The following SEM1 variants were observed in gnomAD, a reference collection of about 807,000 sequenced individuals.
The protein encoded by SEM1 is 26S proteasome complex subunit SEM1.
SEM1 carries 3 observed loss-of-function variants against 12.7 expected under a neutral mutation model. That is an observed-to-expected ratio of 0.24 (90% CI 0.11 to 0.61). SEM1 has a LOEUF of 0.61. SEM1 is among the 20% of genes least tolerant of loss of function. The probability of loss-of-function intolerance (pLI) is 0.88; values close to 1 mark genes in which losing one functional copy is unlikely to be tolerated. For missense variants in SEM1, 59 were observed against 81.3 expected, an observed-to-expected ratio of 0.73 and a Z score of 1.06; for synonymous variants, 30 against 27.8, an observed-to-expected ratio of 1.08 and a Z score of -0.25.
intron 2 of SEM1, among the ~76,000 whole-genome samples, chr7:96,551,923 CTG>C (rs1192833245): frequency 6.6e-6 from 1 of 152,140 alleles, no homozygotes; most frequent in East Asian, 1.9e-4. Context: ...GGCCCCAAAG[CTG>C]TGTGATAGAC....
chr7:96,526,995 C>T (rs536479752), intron 2 of SEM1, among the ~76,000 whole-genome samples: 8 of 152,162 alleles, frequency 5.3e-5, no homozygotes, highest in Non-Finnish European at 1.2e-4. Flanking sequence ...GACCCATAAA[C>T]CATCCCTCAA....
chr7:96,488,471 G>T (rs1197039355), intron 1 of SEM1, among the ~76,000 whole-genome samples: 1 of 152,104 alleles, frequency 6.6e-6, no homozygotes, highest in Non-Finnish European at 1.5e-5. Flanking sequence ...AGTTGACAAT[G>T]CAATAGTAGG....
intron 2 of SEM1, among the ~76,000 whole-genome samples, chr7:96,645,035 C>A (rs1472515897): frequency 6.6e-6 from 1 of 151,910 alleles, no homozygotes; most frequent in African/African-American, 2.4e-5. Flanking sequence ...AATGTAATAA[C>A]CATTATTAAG....
intron 2 of SEM1, among the ~76,000 whole-genome samples, chr7:96,624,885 C>T (rs926522873): frequency 6.6e-6 from 1 of 152,128 alleles, no homozygotes; most frequent in African/African-American, 2.4e-5. Context: ...AGACTTTTAG[C>T]CAATCTTCTA....
intron 3 of SEM1, chr7:96,484,807 A>G: frequency 7.8e-7 from 1 of 1,277,496 alleles, no homozygotes; most frequent in Non-Finnish European, 1.0e-6. Flanking sequence ...ATATCCATTT[A>G]TATCTTTGTT....
intron 1 of SEM1, among the ~76,000 whole-genome samples, 150 bp downstream of exon 1, chr7:96,709,521 CGAATCTGGGGCGCCACT>C (rs1790581594): frequency 6.6e-6 from 1 of 152,100 alleles, no homozygotes; most frequent in Non-Finnish European, 1.5e-5. Context: ...ACCCCAAACC[CGAATCTGGGGCGCCACT>C]GAGGGGTGAG....
downstream of SEM1, among the ~76,000 whole-genome samples, chr7:96,672,044 T>C (rs1290449894): frequency 1.3e-5 from 2 of 152,194 alleles, no homozygotes; most frequent in African/African-American, 4.8e-5. Flanking sequence ...AGTGTCCTCA[T>C]TGGGTGAAAG....
intron 2 of SEM1, among the ~76,000 whole-genome samples, chr7:96,668,425 T>C (rs1445541725): frequency 6.6e-6 from 1 of 152,152 alleles, no homozygotes; most frequent in African/African-American, 2.4e-5. Context: ...ATAAAATAAA[T>C]AAAAATTATA....
chr7:96,491,206 T>A (rs559843646), intron 1 of SEM1, among the ~76,000 whole-genome samples: 5 of 152,190 alleles, frequency 3.3e-5, no homozygotes, highest in African/African-American at 9.7e-5. Context: ...ATAAAAAAAA[T>A]TCTTCTTATA....
intron 2 of SEM1, among the ~76,000 whole-genome samples, chr7:96,662,565 T>A (rs1789040084): frequency 2.0e-5 from 3 of 152,178 alleles, no homozygotes; most frequent in Admixed American, 2.0e-4. Flanking sequence ...AAATACCTAA[T>A]GCATGCGGGT....
At chr7:96,582,486 T>C (rs1806447307) in intron 2 of SEM1, among the ~76,000 whole-genome samples, 1 of 151,622 alleles carries the variant, frequency 6.6e-6, no homozygotes, top group Non-Finnish European at 1.5e-5. Flanking sequence ...GCTGGCCTCA[T>C]AAAATGAGTT....
Position 96,650,299 on chromosome 7 carries a change from C to T in SEM1, c.171-27656G>A, listed in dbSNP as rs1584833478. On this transcript the variant is annotated intron_variant, in intron 2 of 2. Transcript: ENST00000417009. ...CGCTGCACAAGACTTGAAACAATCC[C>T]TCTCCTTCAGCTAGATGTCAGAAAA... The T allele has an allele frequency of 3.3e-5, 16 of 488,142 alleles. No individual in the cohort carries two copies. The East Asian group carries it at 5.2e-4, about 16-fold the overall frequency. The allele number at this position is 488,142 out of a possible 1,614,324, so 30.2% of individuals were successfully genotyped here.
In SEM1 at chr7:96,709,352, G is replaced by A. The variant is rs577048732; in HGVS notation, c.76+336C>T. The stretch of plus-strand genomic sequence containing the variant: ...ACTGCTAAAACAAAAAGAAAAGGAG[G>A]TTATGTAGACTTGAACTAAGTTTAA... On this transcript the variant is annotated intron_variant, in intron 1 of 2. Coordinates refer to ENST00000248566, the MANE Select transcript of SEM1 (RefSeq NM_006304.2). Among the ~76,000 whole-genome samples the A allele has an allele frequency of 6.6e-5, 10 of 152,342 alleles. No individual in the cohort carries two copies. In the East Asian group the frequency reaches 9.6e-4, roughly 15 times the overall value.
intron 1 of SEM1, among the ~76,000 whole-genome samples, chr7:96,701,063 T>C (rs888516598): frequency 6.6e-6 from 1 of 152,082 alleles, no homozygotes. Context: ...AATTACTAAA[T>C]ACATGTCAGA....
At chr7:96,504,179 G>A (rs1281106263) in intron 3 of SEM1, among the ~76,000 whole-genome samples, 6 of 152,070 alleles carry the variant, frequency 3.9e-5, no homozygotes, top group African/African-American at 1.4e-4. Context: ...ACCCCGTGGG[G>A]TCCAAACCTC....
intron 2 of SEM1, among the ~76,000 whole-genome samples, chr7:96,550,820 A>G (rs1021158266): frequency 6.6e-6 from 1 of 152,182 alleles, no homozygotes; most frequent in East Asian, 1.9e-4. Flanking sequence ...GTAGAAAAAT[A>G]TTAAGAATGA....
chr7:96,635,927 AAAGT>A (rs1808412749), intron 2 of SEM1, among the ~76,000 whole-genome samples: 1 of 152,160 alleles, frequency 6.6e-6, no homozygotes, highest in Admixed American at 6.6e-5. Flanking sequence ...GGAAAAAAAG[AAAGT>A]AATACTTCAA....
downstream of SEM1, chr7:96,688,053 G>C (rs1226499343): frequency 6.6e-6 from 1 of 152,082 alleles, no homozygotes; most frequent in Non-Finnish European, 1.5e-5. Context: ...CAACACTACA[G>C]ATTGATTGTA....
chr7:96,495,673 G>A (rs1286315977), intron 1 of SEM1, among the ~76,000 whole-genome samples: 3 of 152,120 alleles, frequency 2.0e-5, no homozygotes, highest in Non-Finnish European at 4.4e-5. Context: ...ATGTTTTCCA[G>A]TTTCCGCGAT....
Sources: allele counts gnomAD v4.1 joint callset (sites outside exome capture counted in the v4.1 genomes callset), GRCh38; gene constraint gnomAD v4.1.1; transcripts MANE v1.5; gene names NCBI Gene and HGNC (gene_info 2026-07-23, HGNC 2026-07-21).